The following TTC9 variants were observed in gnomAD, a reference collection of about 807,000 sequenced individuals.
The protein encoded by TTC9 is tetratricopeptide repeat domain 9.
A neutral mutation model predicts 22.9 loss-of-function variants in TTC9; 13 were observed. The observed-to-expected ratio is 0.57, with a 90% CI of 0.37 to 0.90. The LOEUF (loss-of-function observed/expected upper bound fraction) is 0.90, where lower values mean the gene tolerates loss of function less well. TTC9 is among the 40% of genes least tolerant of loss of function. The probability of loss-of-function intolerance (pLI) is 0.01; values close to 1 mark genes in which losing one functional copy is unlikely to be tolerated. For missense variants in TTC9, 280 were observed against 291.8 expected, an observed-to-expected ratio of 0.96 and a Z score of 0.29; for synonymous variants, 148 against 133.2, an observed-to-expected ratio of 1.11 and a Z score of -0.77.
chr14:70,644,714 G>A lies in TTC9; in HGVS notation c.406+2179G>A, dbSNP rs150548105. Among the ~76,000 whole-genome samples the A allele has an allele frequency of 4.6e-5, 7 of 152,232 alleles. No individual in the cohort carries two copies. In the East Asian group the frequency reaches 1.2e-3, roughly 25 times the overall value. On this transcript the variant is annotated intron_variant, in intron 1 of 2. Coordinates refer to ENST00000256367, the MANE Select transcript of TTC9 (RefSeq NM_015351.2). ...GAATACTTTGATTCAAGGCTCTAAC[G>A]GGCTATTTCCAAATGTCAAGTCTCA...
Position 70,642,319 on chromosome 14 carries a change from G to C in TTC9, c.190G>C (p.Gly64Arg). ...IRRAHEFKSQ[G>R]AQCYKDKKFR... ...ACGAGCGCACGAGTTCAAAAGCCAA[G>C]GGGCGCAGTGCTACAAGGACAAGAA... Residue 64 changes from glycine to arginine, a missense_variant, in exon 1 of 3, where the codon GGG becomes CGG. By Grantham distance (125) the Gly-to-Arg change is moderately radical (BLOSUM62 -2). Coordinates refer to ENST00000256367, the MANE Select transcript of TTC9 (RefSeq NM_015351.2). The C allele has an allele frequency of 6.3e-7, 1 of 1,577,626 alleles. No homozygotes were observed. The highest frequency in any genetic ancestry group is 8.6e-7 in the Non-Finnish European group (1 of 1,163,534).
At chr14:70,644,026 G>C (rs1304372461) in intron 1 of TTC9, among the ~76,000 whole-genome samples, 1 of 152,176 alleles carries the variant, frequency 6.6e-6, no homozygotes, top group African/African-American at 2.4e-5. Context: ...TTGGCATACT[G>C]TCTGCTGCCC....
rs546091687 is a variant in TTC9 at position 70,650,788 on chromosome 14, T to G, written c.406+8253T>G. 3.9e-5 allele frequency among the ~76,000 whole-genome samples: 6 copies of G among 152,220 alleles called. No homozygotes were observed. The South Asian group carries it at 1.2e-3, about 32-fold the overall frequency. ...TACGAGTCTCCAAAACCTATATTAC[T>G]TGAAAAGGCAGAGTGTAGAACAGTC... On this transcript the variant is annotated intron_variant, in intron 1 of 2. Coordinates refer to ENST00000256367, the MANE Select transcript of TTC9 (RefSeq NM_015351.2).
rs1182961709 is a variant in TTC9 at position 70,642,262 on chromosome 14, G to C, written c.133G>C (p.Gly45Arg). The C allele has an allele frequency of 1.3e-6, 2 of 1,492,184 alleles. No individual in the cohort carries two copies. Among genetic ancestry groups the C allele is most frequent in the South Asian group, 1.3e-5 (1 of 78,246 alleles). 92.4% of individuals were successfully genotyped at this position (1,492,184 alleles called of 1,614,324 possible). A position where few individuals can be genotyped will look rare whatever the true frequency, so the allele number is the denominator to read the frequency against. Residue 45 changes from glycine (G) to arginine (R), a missense_variant, in exon 1 of 3, where the codon GGG (glycine) becomes CGG (arginine). Physicochemically the swap from Gly to Arg is moderately radical, Grantham distance 125. Transcript: ENST00000256367. ...GGGAPARGQVGAAAEPAELIR... is the reference protein window; with the variant it reads ...GGGAPARGQVRAAAEPAELIR... ...AGGAGCCCCAGCGAGGGGCCAGGTC[G>C]GGGCGGCGGCCGAGCCGGCCGAGCT...
In TTC9 at chr14:70,671,123, C is replaced by T. The variant is rs772817265; in HGVS notation, c.637C>T (p.Arg213Ter). The change falls in exon 3 of 3, where the codon CGA becomes TGA. Residue 213 changes from arginine to a stop codon, truncating the protein, a stop_gained. Transcript: ENST00000256367. LOFTEE classifies it high-confidence loss of function. Reference sequence around the variant, plus strand: ...CCAGCTGACGGAGATGAAACTCAGCCGATGCTCCCAGAGAGAAAAAGAAGC... The same window carrying T: ...CCAGCTGACGGAGATGAAACTCAGCTGATGCTCCCAGAGAGAAAAAGAAGC... ...YIQLTEMKLS[R>*]CSQREKEAM 2.5e-6 allele frequency: 4 copies of T among 1,613,618 alleles called. No homozygotes were observed. The highest frequency in any genetic ancestry group is 1.3e-5 in the African/African-American group (1 of 74,918).
In TTC9 at chr14:70,642,136, A is replaced by G. The variant is rs1265113760; in HGVS notation, c.7A>G (p.Arg3Gly). Residue 3 changes from arginine to glycine, a missense_variant, in exon 1 of 3, where the codon AGA becomes GGA. This residue lies in a region of TTC9 where 49 missense variants were observed against 39.8 expected (regional missense o/e 1.23). Transcript: ENST00000256367. ME[R>G]KGSAAGAKGN... The stretch of plus-strand genomic sequence containing the variant: ...GCGCCGGGGCGGCGGCCGAATGGAG[A>G]GAAAGGGCTCGGCGGCCGGGGCCAA... The G allele has an allele frequency of 1.2e-5, 14 of 1,147,710 alleles. No homozygotes were observed. Among genetic ancestry groups the G allele is most frequent in the Non-Finnish European group, 1.5e-5 (14 of 930,724 alleles). 71.1% of individuals were successfully genotyped at this position (1,147,710 alleles called of 1,614,324 possible). A position where few individuals can be genotyped will look rare whatever the true frequency, so the allele number is the denominator to read the frequency against.
chr14:70,666,823 G>A (rs941966739), intron 1 of TTC9, among the ~76,000 whole-genome samples: 6 of 152,188 alleles, frequency 3.9e-5, no homozygotes, highest in Admixed American at 2.6e-4. Flanking sequence ...TCTGTACAAG[G>A]TAAGCACTCA....
intron 1 of TTC9, among the ~76,000 whole-genome samples, chr14:70,646,471 G>C (rs771177335): frequency 6.6e-6 from 1 of 152,198 alleles, no homozygotes. Context: ...CTGTTCCTGT[G>C]GGGCTGTGGT....
chr14:70,653,094 A>T (rs1886009475), intron 1 of TTC9, among the ~76,000 whole-genome samples: 1 of 152,228 alleles, frequency 6.6e-6, no homozygotes, highest in South Asian at 2.1e-4. Context: ...TGTGAGTAAT[A>T]ATAATGTACC....
Position 70,642,295 on chromosome 14 carries a change from C to G in TTC9, c.166C>G (p.Arg56Gly), listed in dbSNP as rs1308565124. The change falls in exon 1 of 3, where the codon CGA becomes GGA. Residue 56 changes from arginine to glycine, a missense_variant. Arg to Gly is a moderately radical substitution (Grantham distance 125). This residue lies in a region of TTC9 where 165 missense variants were observed against 145.4 expected (regional missense o/e 1.14). Transcript: ENST00000256367. Reference sequence around the variant, plus strand: ...GGCCGAGCCGGCCGAGCTCATCCGACGAGCGCACGAGTTCAAAAGCCAAGG... The same window carrying G: ...GGCCGAGCCGGCCGAGCTCATCCGAGGAGCGCACGAGTTCAAAAGCCAAGG... ...AAAEPAELIR[R>G]AHEFKSQGAQ... 2 of 1,540,596 alleles carry G rather than the reference C, an allele frequency of 1.3e-6. No individual in the cohort carries two copies. The highest frequency in any genetic ancestry group is 8.7e-7 in the Non-Finnish European group (1 of 1,145,078).
intron 1 of TTC9, among the ~76,000 whole-genome samples, chr14:70,662,337 C>T (rs1886155235): frequency 6.6e-6 from 1 of 151,636 alleles, no homozygotes; most frequent in African/African-American, 2.4e-5. Flanking sequence ...GAGATGTTTA[C>T]TCCCTTCAGG....
In TTC9 at chr14:70,641,973, G is replaced by A. The variant is rs1386196221; in HGVS notation, c.-157G>A. ...CCTCTGGCAGCAGCGGGGAGAATGG[G>A]AGTGCGGGGCGCCAGACCGCCGCGG... On this transcript the variant is annotated 5_prime_UTR_variant, in exon 1 of 3. Coordinates refer to ENST00000256367, the MANE Select transcript of TTC9 (RefSeq NM_015351.2). 9.2e-6 allele frequency: 3 copies of A among 325,576 alleles called. No homozygotes were observed. The highest frequency in any genetic ancestry group is 1.3e-5 in the Non-Finnish European group (3 of 224,070). The allele number at this position is 325,576 out of a possible 1,614,324, so 20.2% of individuals were successfully genotyped here.
chr14:70,657,101 G>A (rs1886077331), intron 1 of TTC9, among the ~76,000 whole-genome samples: 1 of 152,186 alleles, frequency 6.6e-6, no homozygotes, highest in Non-Finnish European at 1.5e-5. Context: ...CAGCTTACAG[G>A]ATTTTATACT....
At chr14:70,658,838 C>CTG (rs1886102012) in intron 1 of TTC9, among the ~76,000 whole-genome samples, 1 of 152,264 alleles carries the variant, frequency 6.6e-6, no homozygotes, top group Non-Finnish European at 1.5e-5. Flanking sequence ...GGTAAACAAA[C>CTG]TGTAGTACAT....
intron 1 of TTC9, among the ~76,000 whole-genome samples, chr14:70,661,745 G>C (rs1205239): frequency 0.86 from 130,410 of 152,168 alleles, 56,554 homozygotes; most frequent in Admixed American, 0.89. Context: ...CATGAGTGTC[G>C]CGGGGGCTCT....
At chr14:70,670,398 C>T (rs1266863528) in intron 2 of TTC9, among the ~76,000 whole-genome samples, 1 of 152,126 alleles carries the variant, frequency 6.6e-6, no homozygotes, top group Admixed American at 6.5e-5. Flanking sequence ...TCACTCACGC[C>T]TCTGATCCCA....
At chr14:70,647,376 A>T (rs1885918014) in intron 1 of TTC9, among the ~76,000 whole-genome samples, 1 of 152,232 alleles carries the variant, frequency 6.6e-6, no homozygotes, top group Non-Finnish European at 1.5e-5. Flanking sequence ...AAAAGGGAAT[A>T]CACGTGACCC....
rs1290870346 is a variant in TTC9 at position 70,669,019 on chromosome 14, GGTGGCACGCACTT to G, written c.589+1276_589+1288del. Among the ~76,000 whole-genome samples the G allele has an allele frequency of 2.0e-5, 3 of 151,826 alleles. No homozygotes were observed. The East Asian group carries it at 5.8e-4, about 30-fold the overall frequency. On this transcript the variant is annotated intron_variant, in intron 2 of 2. Transcript: ENST00000256367. ...AAAATACAAAAAATTATCTGGGCAT[GGTGGCACGCACTT>G]GTAGTCCCAGCTACTCAGGAGGCTG...
In TTC9 at chr14:70,673,367, G is replaced by A. The variant is rs1243593349; in HGVS notation, c.*2212G>A. ...CTTTCAACGGGGGCTACAGGAAGGT[G>A]CTAGAAATATTGAGGGGCCTGCCAT... is the stretch of plus-strand genomic sequence containing the variant. On this transcript the variant is annotated 3_prime_UTR_variant, in exon 3 of 3. Coordinates refer to ENST00000256367, the MANE Select transcript of TTC9 (RefSeq NM_015351.2). 2.0e-5 allele frequency: 3 copies of A among 152,246 alleles called. No individual in the cohort carries two copies. Among genetic ancestry groups the A allele is most frequent in the Non-Finnish European group, 2.9e-5 (2 of 68,086 alleles). 9.4% of individuals were successfully genotyped at this position (152,246 alleles called of 1,614,324 possible).
Sources: allele counts gnomAD v4.1 joint callset (sites outside exome capture counted in the v4.1 genomes callset), GRCh38; gene constraint gnomAD v4.1.1; regional missense constraint gnomAD v4.1.1; transcripts MANE v1.5; gene names NCBI Gene and HGNC (gene_info 2026-07-23, HGNC 2026-07-21).